The following RASSF4 variants were observed in gnomAD, a reference collection of about 807,000 sequenced individuals.
RASSF4 encodes the protein ras association domain-containing protein 4.
A neutral mutation model predicts 41.1 loss-of-function variants in RASSF4; 38 were observed. The ratio of observed to expected loss-of-function variants is 0.92; its 90% confidence interval spans 0.71 to 1.21. The LOEUF (loss-of-function observed/expected upper bound fraction) is 1.21. Among genes scored for constraint, RASSF4 ranks in the 50% most tolerant of loss-of-function variants. The pLI is 0.00. For missense variants in RASSF4, 414 were observed against 419.4 expected (o/e 0.99, Z 0.11); for synonymous variants, 179 against 163.4 (o/e 1.10, Z -0.73).
chr10:44,977,427 G>GTGT, intron 3 of RASSF4: 1 of 1,603,672 alleles, frequency 6.2e-7, no homozygotes, highest in Non-Finnish European at 8.5e-7. Context: ...TGCGAGTAGA[G>GTGT]TGTTCTGAGG....
intron 10 of RASSF4, among the ~76,000 whole-genome samples, chr10:44,993,035 T>A (rs890148288): frequency 1.3e-5 from 2 of 152,186 alleles, no homozygotes; most frequent in African/African-American, 4.8e-5. Flanking sequence ...GTTGTCTGTA[T>A]TAGAGTCTGC....
At chr10:44,982,340 C>G in intron 3 of RASSF4, 181 bp from the exon 4 acceptor site, 1 of 747,886 alleles carries the variant, frequency 1.3e-6, no homozygotes, top group East Asian at 2.7e-5. Flanking sequence ...CAGGCTCCCT[C>G]CCACAGGGCC....
At chr10:44,983,773 T>C (rs1841809834) in intron 4 of RASSF4, 4 of 561,028 alleles carry the variant, frequency 7.1e-6, no homozygotes, top group Non-Finnish European at 1.3e-5. Context: ...GTCTGTGCGA[T>C]GCAGCCCAGC....
chr10:44,979,831 T>G (rs1841628415), intron 3 of RASSF4, among the ~76,000 whole-genome samples: 1 of 152,032 alleles, frequency 6.6e-6, no homozygotes, highest in Non-Finnish European at 1.5e-5. Context: ...GTCTGGCTTC[T>G]GCTTCAAAGG....
Position 44,994,170 on chromosome 10 carries a change from G to A in RASSF4, c.*841G>A, listed in dbSNP as rs928533824. On this transcript the variant is annotated 3_prime_UTR_variant, in exon 11 of 11. Transcript: ENST00000340258. Reference sequence around the variant, plus strand: ...TGGGCTTGCGTTTCTCTCCTCTAGTGGGTGGGGATGACTTTCAATGACTTT... The same window carrying A: ...TGGGCTTGCGTTTCTCTCCTCTAGTAGGTGGGGATGACTTTCAATGACTTT... The A allele has an allele frequency of 6.6e-6, 1 of 152,282 alleles. No homozygotes were observed. Among genetic ancestry groups the A allele is most frequent in the African/African-American group, 2.4e-5 (1 of 41,442 alleles). 9.4% of individuals were successfully genotyped at this position (152,282 alleles called of 1,614,324 possible).
intron 1 of RASSF4, among the ~76,000 whole-genome samples, chr10:44,963,475 C>T (rs1002722547): frequency 6.6e-6 from 1 of 152,190 alleles, no homozygotes; most frequent in Non-Finnish European, 1.5e-5. Flanking sequence ...CTTCATTGTC[C>T]TCTGTGCCCT....
rs534956481 is a variant in RASSF4, at chr10:44,959,994, C to G, written c.-39+128C>G. 16 of 152,376 alleles carry G rather than the reference C, an allele frequency of 1.1e-4. No homozygotes were observed. The East Asian group carries it at 3.1e-3, about 29-fold the overall frequency. The allele number at this position is 152,376 out of a possible 1,614,324, so 9.4% of individuals were successfully genotyped here. On this transcript the variant is annotated intron_variant, in intron 1 of 10. Coordinates refer to ENST00000340258, the MANE Select transcript of RASSF4 (RefSeq NM_032023.4). ...CCTTCGGCCGCAGCGCGCAGGGTCCCTCCCCCGCCAGCCTGGCGCATTGCG... is the reference window on the plus strand; with the variant it reads ...CCTTCGGCCGCAGCGCGCAGGGTCCGTCCCCCGCCAGCCTGGCGCATTGCG...
At chr10:44,976,832 G>C (rs1055562591) in intron 3 of RASSF4, 1 of 152,488 alleles carries the variant, frequency 6.6e-6, no homozygotes, top group African/African-American at 2.4e-5. Flanking sequence ...GTGGTGCCAG[G>C]TGACAGTCCC....
At chr10:44,982,243 G>GAAA (rs1841737895) in intron 3 of RASSF4, 2 of 482,284 alleles carry the variant, frequency 4.1e-6, no homozygotes, top group East Asian at 8.5e-5. Flanking sequence ...CGTGCCTGCC[G>GAAA]GCCAGCAGCT....
intron 3 of RASSF4, chr10:44,977,502 T>G: frequency 1.9e-6 from 3 of 1,613,280 alleles, no homozygotes; most frequent in Non-Finnish European, 1.7e-6. Flanking sequence ...AAAGTCCAGC[T>G]TCTTAGGTCA....
chr10:44,984,362 C>A (rs77978898), intron 5 of RASSF4: 1 of 548,108 alleles, frequency 1.8e-6, no homozygotes, highest in Non-Finnish European at 3.2e-6. Flanking sequence ...GAGTCCCCCG[C>A]CCTGTGTGTG....
intron 1 of RASSF4, among the ~76,000 whole-genome samples, chr10:44,969,201 T>C (rs1004907774): frequency 1.6e-4 from 24 of 151,758 alleles, no homozygotes; most frequent in Admixed American, 3.9e-4. Flanking sequence ...CTTGGCCACA[T>C]TGACATGGGG....
chr10:44,968,300 A>T (rs763942026), intron 1 of RASSF4, among the ~76,000 whole-genome samples: 5 of 152,126 alleles, frequency 3.3e-5, no homozygotes, highest in African/African-American at 7.2e-5. Context: ...CACTTTTTCC[A>T]TGGGCAAGCG....
At chr10:44,988,334 G>C (rs1425134135) in intron 6 of RASSF4, among the ~76,000 whole-genome samples, 2 of 152,146 alleles carry the variant, frequency 1.3e-5, no homozygotes, top group African/African-American at 2.4e-5. Flanking sequence ...ATCTTAGCGG[G>C]TTCAATACAC....
chr10:44,979,825 G>A (rs1194967645), intron 3 of RASSF4, among the ~76,000 whole-genome samples: 2 of 152,052 alleles, frequency 1.3e-5, no homozygotes, highest in East Asian at 3.9e-4. Flanking sequence ...ACTGCAGTCT[G>A]GCTTCTGCTT....
intron 3 of RASSF4, chr10:44,982,120 G>A: frequency 3.6e-6 from 1 of 274,702 alleles, no homozygotes; most frequent in Non-Finnish European, 7.0e-6. Flanking sequence ...GTGGCCATAG[G>A]ACCTGGTGGC....
At chr10:44,977,528 T>C in intron 3 of RASSF4, 1 of 1,613,468 alleles carries the variant, frequency 6.2e-7, no homozygotes, top group Non-Finnish European at 8.5e-7. Flanking sequence ...CTGCTGCCCA[T>C]CCTGCGGTGG....
intron 1 of RASSF4, among the ~76,000 whole-genome samples, 195 bp downstream of exon 1, chr10:44,960,061 C>T (rs1840648032): frequency 6.6e-6 from 1 of 152,210 alleles, no homozygotes; most frequent in African/African-American, 2.4e-5. Context: ...GCGCCTGGCA[C>T]CTCTGTTAAG....
chr10:44,989,183 G>A (rs563022765), intron 6 of RASSF4, 91 bp from the exon 7 acceptor site: 86 of 759,472 alleles, frequency 1.1e-4, no homozygotes, highest in African/African-American at 4.3e-4. Context: ...AGATCTCAGC[G>A]TCACCTGCTG....
Sources: gnomAD v4.1 joint callset for allele counts (sites outside exome capture counted in the v4.1 genomes callset) on GRCh38, gnomAD v4.1.1 for gene constraint, MANE v1.5 for transcripts, NCBI Gene and HGNC (gene_info 2026-07-23, HGNC 2026-07-21) for gene names.